Variants in NCKAP5 observed in about 807,000 individuals in gnomAD.
NCKAP5 encodes nck-associated protein 5.
In NCKAP5, 92 loss-of-function variants were observed where a neutral mutation model predicts 167.0. That is an observed-to-expected ratio of 0.55 (90% confidence interval 0.47 to 0.66). The LOEUF is 0.66. NCKAP5 is among the 30% of genes least tolerant of loss of function. NCKAP5 has a pLI of 0.00. For missense variants in NCKAP5, 2,378 were observed against 2,315.0 expected, an observed-to-expected ratio of 1.03 and a Z score of -0.56; for synonymous variants, 891 against 877.4, an observed-to-expected ratio of 1.02 and a Z score of -0.27.
At chr2:133,633,167 A>T in the NCKAP5 span, among the ~76,000 whole-genome samples, 1 of 152,196 alleles carries the variant, frequency 6.6e-6, no homozygotes, top group African/African-American at 2.4e-5. Flanking sequence ...AGACAGGGGA[A>T]GTAATGTTCC....
intron 3 of NCKAP5, among the ~76,000 whole-genome samples, chr2:133,445,347 C>A (rs568998687): frequency 6.6e-6 from 1 of 152,086 alleles, no homozygotes; most frequent in African/African-American, 2.4e-5. Context: ...ACTTTTTGGG[C>A]AAAATTGGTT....
At chr2:132,875,268 G>A (rs1047734418) in intron 9 of NCKAP5, among the ~76,000 whole-genome samples, 7 of 152,138 alleles carry the variant, frequency 4.6e-5, no homozygotes, top group African/African-American at 1.7e-4. Context: ...CAGGTACAGA[G>A]GAGAAGCACT....
At chr2:133,002,393 A>G (rs1034524986) in intron 6 of NCKAP5, among the ~76,000 whole-genome samples, 1 of 152,198 alleles carries the variant, frequency 6.6e-6, no homozygotes, top group African/African-American at 2.4e-5. Flanking sequence ...TTATGACAAC[A>G]CACTGTAATA....
chr2:133,284,649 G>A (rs1410940182), intron 4 of NCKAP5: 2 of 152,180 alleles, frequency 1.3e-5, no homozygotes, highest in African/African-American at 4.8e-5. Flanking sequence ...ATCTCTATCT[G>A]TATATTAACC....
chr2:133,025,087 C>G (rs182840018), intron 6 of NCKAP5, among the ~76,000 whole-genome samples: 1 of 152,250 alleles, frequency 6.6e-6, no homozygotes, highest in East Asian at 1.9e-4. Context: ...GAGAAACGGA[C>G]AAAGAAAATG....
the NCKAP5 span, among the ~76,000 whole-genome samples, chr2:133,621,485 C>T: frequency 6.6e-6 from 1 of 152,074 alleles, no homozygotes; most frequent in African/African-American, 2.4e-5. Context: ...TTCAAGGCTA[C>T]TATGAGCACC....
At chr2:133,028,894 G>C (rs1331989161) in intron 6 of NCKAP5, among the ~76,000 whole-genome samples, 1 of 151,992 alleles carries the variant, frequency 6.6e-6, no homozygotes, top group Non-Finnish European at 1.5e-5. Context: ...ATGAGATCTG[G>C]TCCTTTAAAA....
At chr2:133,053,850 C>A (rs1004837787) in intron 6 of NCKAP5, among the ~76,000 whole-genome samples, 3 of 152,148 alleles carry the variant, frequency 2.0e-5, no homozygotes, top group Admixed American at 1.3e-4. Context: ...ATTTAAACTG[C>A]AAAAGCAAAT....
chr2:133,351,906 C>A (rs778428777), intron 3 of NCKAP5, among the ~76,000 whole-genome samples: 3 of 152,170 alleles, frequency 2.0e-5, no homozygotes, highest in Non-Finnish European at 2.9e-5. Context: ...TCTTCTCTAG[C>A]CTTTGTCCTT....
rs55826486 is a variant in NCKAP5, at chr2:132,795,820, GA to G, written c.909+807del. ...GGCAACAGGATGAGACCCCGTATCA[GA>G]AAAAAAAAAAAAAAAAACAAAAAAA... is the stretch of plus-strand genomic sequence containing the variant. On this transcript the variant is annotated intron_variant, in intron 12 of 19. Transcript: ENST00000409261. 7.1e-4 allele frequency among the ~76,000 whole-genome samples: 60 copies of G among 85,056 alleles called. 1 individual carries two copies. Among genetic ancestry groups the G allele is most frequent in the South Asian group, 4.9e-3 (11 of 2,264 alleles). 55.8% of individuals were successfully genotyped at this position (85,056 alleles called of 152,430 possible). A position where few individuals can be genotyped will look rare whatever the true frequency, so the allele number is the denominator to read the frequency against.
At chr2:132,911,441 A>G (rs754803349) in intron 8 of NCKAP5, among the ~76,000 whole-genome samples, 3 of 152,140 alleles carry the variant, frequency 2.0e-5, no homozygotes, top group Non-Finnish European at 2.9e-5. Context: ...TGACTTTTAT[A>G]TTTTATGATA....
intron 9 of NCKAP5, among the ~76,000 whole-genome samples, chr2:132,874,335 C>T (rs1252638013): frequency 6.6e-6 from 1 of 152,062 alleles, no homozygotes; most frequent in Non-Finnish European, 1.5e-5. Flanking sequence ...GTCTCGCACT[C>T]CTGACCTTGT....
At chr2:132,804,892 G>A (rs563235073) in intron 11 of NCKAP5, among the ~76,000 whole-genome samples, 1 of 151,948 alleles carries the variant, frequency 6.6e-6, no homozygotes, top group Non-Finnish European at 1.5e-5. Context: ...CTAAGTCCAA[G>A]CTCTTCCTAC....
chr2:133,446,427 G>A (rs998593355), intron 3 of NCKAP5, among the ~76,000 whole-genome samples: 2 of 152,190 alleles, frequency 1.3e-5, no homozygotes, highest in Non-Finnish European at 2.9e-5. Flanking sequence ...AGCCCTTTTC[G>A]TGTAATAACT....
chr2:133,202,925 C>T (rs1401672670), intron 5 of NCKAP5, among the ~76,000 whole-genome samples: 1 of 152,070 alleles, frequency 6.6e-6, no homozygotes, highest in African/African-American at 2.4e-5. Flanking sequence ...AATAGGAACA[C>T]TTTTACACTG....
At chr2:133,547,262 G>C (rs183654784) in intron 2 of NCKAP5, among the ~76,000 whole-genome samples, 6,397 of 152,276 alleles carry the variant, frequency 0.042, 471 homozygotes, top group African/African-American at 0.15. Context: ...TAGCACAGCA[G>C]TCTGAGATCA....
intron 16 of NCKAP5, among the ~76,000 whole-genome samples, chr2:132,748,549 T>C (rs1026667924): frequency 2.0e-5 from 3 of 152,186 alleles, no homozygotes; most frequent in Non-Finnish European, 4.4e-5. Context: ...CTTAGGGACA[T>C]GAGCACATAT....
chr2:132,832,517 C>T (rs1406250984), intron 11 of NCKAP5, among the ~76,000 whole-genome samples: 1 of 152,044 alleles, frequency 6.6e-6, no homozygotes, highest in Non-Finnish European at 1.5e-5. Context: ...TCATCATCCA[C>T]CCCCCAGCCA....
At chr2:132,819,513 C>T (rs1261651207) in intron 11 of NCKAP5, among the ~76,000 whole-genome samples, 1 of 152,092 alleles carries the variant, frequency 6.6e-6, no homozygotes, top group East Asian at 1.9e-4. Flanking sequence ...TAACTCTCAC[C>T]CTTTGCCTGT....
Sources: gnomAD v4.1 joint callset for allele counts (sites outside exome capture counted in the v4.1 genomes callset) on GRCh38, gnomAD v4.1.1 for gene constraint, MANE v1.5 for transcripts, NCBI Gene and HGNC (gene_info 2026-07-23, HGNC 2026-07-21) for gene names.